Variants in ALCAM observed in about 807,000 individuals in gnomAD.
The protein encoded by ALCAM is CD166 antigen.
A neutral mutation model predicts 70.9 loss-of-function variants in ALCAM; 30 were observed. That is an observed-to-expected ratio of 0.42 (90% CI 0.32 to 0.57). The LOEUF (loss-of-function observed/expected upper bound fraction) is 0.57. ALCAM is among the 20% of genes least tolerant of loss of function. ALCAM has a pLI of 0.11. For synonymous variants in ALCAM, 249 were observed against 242.5 expected (o/e 1.03, Z -0.25); for missense variants, 591 against 695.1 (o/e 0.85, Z 1.68).
At chr3:105,419,313 G>A (rs1037628710) in intron 1 of ALCAM, among the ~76,000 whole-genome samples, 5 of 151,680 alleles carry the variant, frequency 3.3e-5, no homozygotes, top group Admixed American at 6.6e-5. Context: ...TCAGATTGAC[G>A]CCACTTCTTT....
At chr3:105,515,244 A>G (rs938783765) in intron 1 of ALCAM, among the ~76,000 whole-genome samples, 4 of 152,050 alleles carry the variant, frequency 2.6e-5, no homozygotes, top group African/African-American at 9.7e-5. Flanking sequence ...CAGTAGAACT[A>G]TGATATTTTA....
At chr3:105,491,452 C>T (rs527531659) in intron 1 of ALCAM, among the ~76,000 whole-genome samples, 2 of 152,310 alleles carry the variant, frequency 1.3e-5, no homozygotes, top group South Asian at 2.1e-4. Flanking sequence ...CCTTTTCTAT[C>T]GCATCATCAG....
chr3:105,387,519 A>C (rs761632570), intron 1 of ALCAM, among the ~76,000 whole-genome samples: 1 of 151,678 alleles, frequency 6.6e-6, no homozygotes, highest in South Asian at 2.1e-4. Context: ...CAAACAATAC[A>C]ATAAGAAAGA....
intron 1 of ALCAM, among the ~76,000 whole-genome samples, chr3:105,474,252 T>A (rs1392395913): frequency 6.6e-6 from 1 of 151,804 alleles, no homozygotes. Flanking sequence ...GAATTAAAGA[T>A]GTAATCAGGC....
At chr3:105,485,843 A>G (rs1207762599) in intron 1 of ALCAM, among the ~76,000 whole-genome samples, 4 of 152,086 alleles carry the variant, frequency 2.6e-5, no homozygotes, top group African/African-American at 7.2e-5. Context: ...ACAAATTTAT[A>G]TGAATGAAAA....
Position 105,540,302 on chromosome 3 carries a change from A to C in ALCAM, c.858+200A>C, listed in dbSNP as rs563580937. ...ATGCTGAGAGATTTCAAGGACAAAGAGAAAAAAAAAGCCAACCACAGGAAA... is the reference window on the plus strand; with the variant it reads ...ATGCTGAGAGATTTCAAGGACAAAGCGAAAAAAAAAGCCAACCACAGGAAA... On this transcript the variant is annotated intron_variant, in intron 7 of 15. Coordinates refer to ENST00000306107, the MANE Select transcript of ALCAM (RefSeq NM_001627.4). Among the ~76,000 whole-genome samples the C allele has an allele frequency of 3.1e-4, 3 of 9,638 alleles. No individual in the cohort carries two copies. The South Asian group carries it at 0.15, about 482-fold the overall frequency. The allele number at this position is 9,638 out of a possible 152,430, so 6.3% of individuals were successfully genotyped here. A position where few individuals can be genotyped will look rare whatever the true frequency, so the allele number is the denominator to read the frequency against.
intron 2 of ALCAM, among the ~76,000 whole-genome samples, chr3:105,523,669 C>T (rs1249064688): frequency 6.6e-6 from 1 of 152,132 alleles, no homozygotes; most frequent in African/African-American, 2.4e-5. Flanking sequence ...GTATGAAAGA[C>T]TTTTGAGCTC....
intron 1 of ALCAM, among the ~76,000 whole-genome samples, chr3:105,437,724 A>AG (rs34951257): frequency 0.67 from 102,281 of 151,724 alleles, 34,794 homozygotes; most frequent in East Asian, 0.92. Flanking sequence ...AACGTGGAAA[A>AG]TTTTTCTTTT....
intron 1 of ALCAM, among the ~76,000 whole-genome samples, chr3:105,509,813 G>A (rs1939186947): frequency 6.6e-6 from 1 of 152,128 alleles, no homozygotes; most frequent in African/African-American, 2.4e-5. Context: ...CAATGTCAAA[G>A]AGCTTTTCCC....
intron 1 of ALCAM, among the ~76,000 whole-genome samples, chr3:105,369,356 C>T (rs1480406625): frequency 6.6e-6 from 1 of 152,150 alleles, no homozygotes; most frequent in African/African-American, 2.4e-5. Flanking sequence ...CTCGTGTGTC[C>T]AGGGGGCACC....
At chr3:105,449,318 C>A (rs1473848936) in intron 1 of ALCAM, among the ~76,000 whole-genome samples, 2 of 152,122 alleles carry the variant, frequency 1.3e-5, no homozygotes, top group Non-Finnish European at 2.9e-5. Context: ...GAACAAAAAG[C>A]TTGCATATTT....
At chr3:105,441,825 G>A (rs1446654541) in intron 1 of ALCAM, among the ~76,000 whole-genome samples, 1 of 152,132 alleles carries the variant, frequency 6.6e-6, no homozygotes, top group Non-Finnish European at 1.5e-5. Flanking sequence ...TAGTTGACAA[G>A]ATTGGTATCT....
At position 105,560,781 on chromosome 3, in the gene ALCAM, A is replaced by C. The variant is rs967644422; in HGVS notation, c.1664+8196A>C. 1.8e-3 allele frequency among the ~76,000 whole-genome samples: 267 copies of C among 152,322 alleles called. 1 individual carries two copies. Among genetic ancestry groups the C allele is most frequent in the African/African-American group, 6.1e-3 (253 of 41,580 alleles). On this transcript the variant is annotated intron_variant, in intron 14 of 15. Transcript: ENST00000306107. ...TATCAAGCCATTCCAGCACTTGTTA[A>C]AAGGACTTCCTTTCAGCCGTAACAC...
In ALCAM at chr3:105,575,658, G is replaced by A. The variant is rs11559013; in HGVS notation, c.*1207G>A. 13,302 of 152,342 alleles carry A rather than the reference G, an allele frequency of 0.087. 827 individuals carry two copies. Among genetic ancestry groups the A allele is most frequent in the African/African-American group, 0.18 (7,371 of 41,418 alleles). 9.4% of individuals were successfully genotyped at this position (152,342 alleles called of 1,614,324 possible). ...TATGCTTGAGGAAATTTTTAAGGTG[G>A]TAGTATAAATGGAAACTTTTTGAAG... On this transcript the variant is annotated 3_prime_UTR_variant, in exon 16 of 16. Coordinates refer to ENST00000306107, the MANE Select transcript of ALCAM (RefSeq NM_001627.4).
intron 1 of ALCAM, among the ~76,000 whole-genome samples, chr3:105,477,042 A>T (rs931328554): frequency 6.6e-6 from 1 of 152,078 alleles, no homozygotes; most frequent in Admixed American, 6.6e-5. Context: ...CCGTGTAAGA[A>T]GTGCCTTTTG....
chr3:105,559,574 C>T (rs1379419225), intron 14 of ALCAM, among the ~76,000 whole-genome samples: 1 of 151,938 alleles, frequency 6.6e-6, no homozygotes, highest in East Asian at 1.9e-4. Flanking sequence ...AAGGGCTCCA[C>T]CTTTACAATT....
At chr3:105,398,922 C>G (rs560086223) in intron 1 of ALCAM, among the ~76,000 whole-genome samples, 50 of 148,642 alleles carry the variant, frequency 3.4e-4, no homozygotes, top group South Asian at 8.5e-4. Flanking sequence ...TCTTCCTTTT[C>G]TTTGATTTTT....
chr3:105,368,579 A>G (rs114252821), intron 1 of ALCAM, among the ~76,000 whole-genome samples: 2,146 of 152,158 alleles, frequency 0.014, 19 homozygotes, highest in Admixed American at 0.027. Flanking sequence ...TTTATCAAAG[A>G]AAAATCTCAC....
intron 8 of ALCAM, among the ~76,000 whole-genome samples, chr3:105,543,268 T>TG (rs1334566970): frequency 2.6e-5 from 4 of 151,660 alleles, no homozygotes; most frequent in African/African-American, 9.7e-5. Context: ...TTGGCTGTGA[T>TG]GGGGGAAAAT....
Sources: gnomAD v4.1 joint callset for allele counts (sites outside exome capture counted in the v4.1 genomes callset) on GRCh38, gnomAD v4.1.1 for gene constraint, MANE v1.5 for transcripts, NCBI Gene and HGNC (gene_info 2026-07-23, HGNC 2026-07-21) for gene names.